HPSE2: variants seen among roughly 807,000 people sequenced by gnomAD.
HPSE2 encodes the protein inactive heparanase-2.
A neutral mutation model predicts 60.5 loss-of-function variants in HPSE2; 38 were observed. The observed-to-expected ratio is 0.63, with a 90% CI of 0.48 to 0.82. The LOEUF is 0.82. Among genes scored for constraint, HPSE2 ranks in the 40% least tolerant of loss-of-function variants. The pLI, the probability that HPSE2 is intolerant of heterozygous loss-of-function variation, is 0.00. For missense variants in HPSE2, 713 were observed against 740.4 expected, an observed-to-expected ratio of 0.96 and a Z score of 0.43; for synonymous variants, 295 against 293.2, an observed-to-expected ratio of 1.01 and a Z score of -0.06.
At chr10:98,779,239 G>A (rs961749552) in intron 3 of HPSE2, among the ~76,000 whole-genome samples, 4 of 151,982 alleles carry the variant, frequency 2.6e-5, no homozygotes, top group African/African-American at 9.7e-5. Flanking sequence ...TAAAGCTCTG[G>A]GGAAGACTAG....
At chr10:99,151,917 T>G (rs1487727353) in intron 2 of HPSE2, among the ~76,000 whole-genome samples, 1 of 151,700 alleles carries the variant, frequency 6.6e-6, no homozygotes, top group Non-Finnish European at 1.5e-5. Flanking sequence ...CCCTATCTCA[T>G]AAATAAATAG....
intron 9 of HPSE2, among the ~76,000 whole-genome samples, chr10:98,589,983 TTATGCTG>T (rs1166959575): frequency 6.6e-6 from 1 of 152,212 alleles, no homozygotes; most frequent in African/African-American, 2.4e-5. Flanking sequence ...CTTATCTCCC[TTATGCTG>T]ATAGGTTTAA....
At chr10:99,067,108 C>A (rs541269419) in intron 3 of HPSE2, among the ~76,000 whole-genome samples, 1 of 152,324 alleles carries the variant, frequency 6.6e-6, no homozygotes, top group South Asian at 2.1e-4. Context: ...TCCTTTGACT[C>A]CATGTCTCAC....
At chr10:98,980,718 G>A (rs10883237) in intron 3 of HPSE2, among the ~76,000 whole-genome samples, 115,689 of 152,016 alleles carry the variant, frequency 0.76, 44,361 homozygotes, top group East Asian at 0.86. Context: ...GTTTGTCCAC[G>A]AAGACTCAAA....
chr10:99,285,653 G>A, the HPSE2 span, among the ~76,000 whole-genome samples: 8 of 152,196 alleles, frequency 5.3e-5, no homozygotes, highest in African/African-American at 1.9e-4. Context: ...GAGGCTGGGT[G>A]TGCAGTGGCT....
intron 3 of HPSE2, among the ~76,000 whole-genome samples, chr10:98,861,082 A>T (rs1261782146): frequency 6.6e-6 from 1 of 152,230 alleles, no homozygotes; most frequent in Admixed American, 6.5e-5. Context: ...TCTAATGGAG[A>T]TAATTCCTCA....
intron 3 of HPSE2, among the ~76,000 whole-genome samples, chr10:98,812,151 A>G (rs1418088477): frequency 1.3e-5 from 2 of 152,274 alleles, no homozygotes; most frequent in East Asian, 3.9e-4. Flanking sequence ...GGAAAATGCT[A>G]TATTAATGTC....
chr10:99,094,984 T>C (rs1458468603), intron 3 of HPSE2, among the ~76,000 whole-genome samples: 1 of 151,992 alleles, frequency 6.6e-6, no homozygotes, highest in Non-Finnish European at 1.5e-5. Context: ...GGTCAGGAGT[T>C]CCAAACCAGC....
intron 11 of HPSE2, among the ~76,000 whole-genome samples, chr10:98,475,243 G>T (rs969615150): frequency 6.6e-6 from 1 of 150,892 alleles, no homozygotes; most frequent in Non-Finnish European, 1.5e-5. Context: ...TCATCCTCCC[G>T]AGTAGCTGGA....
At chr10:99,072,680 C>T (rs1024982261) in intron 3 of HPSE2, among the ~76,000 whole-genome samples, 4 of 152,052 alleles carry the variant, frequency 2.6e-5, no homozygotes, top group African/African-American at 4.8e-5. Context: ...AATCCCAGCA[C>T]TTTGGGAGGC....
chr10:99,068,986 A>G (rs1037147696), intron 3 of HPSE2, among the ~76,000 whole-genome samples: 1 of 152,230 alleles, frequency 6.6e-6, no homozygotes, highest in Admixed American at 6.5e-5. Context: ...TCTTCACTCA[A>G]AGAAAAGCCA....
intron 4 of HPSE2, among the ~76,000 whole-genome samples, chr10:98,742,974 C>CTTTTTTTTTTTTTTTTTTTTT (rs35772316): frequency 5.0e-5 from 5 of 99,782 alleles, no homozygotes; most frequent in Admixed American, 1.1e-4. Flanking sequence ...CTTTTCTTTT[C>CTTTTTTTTTTTTTTTTTTTTT]TTTTTTTTTT....
At chr10:98,989,503 G>T (rs1956468261) in intron 3 of HPSE2, among the ~76,000 whole-genome samples, 1 of 146,452 alleles carries the variant, frequency 6.8e-6, no homozygotes, top group South Asian at 2.3e-4. Flanking sequence ...TTGTGGGGTG[G>T]GGGGAGGGGG....
chr10:98,797,008 C>G (rs903315040), intron 3 of HPSE2, among the ~76,000 whole-genome samples: 3 of 152,184 alleles, frequency 2.0e-5, no homozygotes, highest in African/African-American at 7.2e-5. Flanking sequence ...AAAGCATTCT[C>G]AAGAAGGACA....
At chr10:99,061,550 C>T (rs1564774814) in intron 3 of HPSE2, among the ~76,000 whole-genome samples, 1 of 152,110 alleles carries the variant, frequency 6.6e-6, no homozygotes, top group African/African-American at 2.4e-5. Flanking sequence ...CTTTAAGTAA[C>T]ATTTTACCTG....
At chr10:98,531,807 T>C (rs1943139521) in intron 9 of HPSE2, among the ~76,000 whole-genome samples, 1 of 152,144 alleles carries the variant, frequency 6.6e-6, no homozygotes, top group Non-Finnish European at 1.5e-5. Flanking sequence ...ATTTCCCCTC[T>C]ACTGTTTGCT....
intron 3 of HPSE2, among the ~76,000 whole-genome samples, chr10:98,990,150 A>C (rs1294989226): frequency 6.6e-6 from 1 of 152,238 alleles, no homozygotes; most frequent in African/African-American, 2.4e-5. Context: ...CTCACCTGCC[A>C]ACAGATGCAG....
chr10:98,983,409 G>A (rs922514641), intron 3 of HPSE2, among the ~76,000 whole-genome samples: 5 of 152,124 alleles, frequency 3.3e-5, no homozygotes, highest in East Asian at 1.9e-4. Context: ...ACAAAGATAC[G>A]ATGTTGGAAA....
At position 99,036,994 on chromosome 10, in the gene HPSE2, A is replaced by G. The variant is rs913997424; in HGVS notation, c.610+107244T>C. Among the ~76,000 whole-genome samples the G allele has an allele frequency of 8.5e-5, 13 of 152,192 alleles. 1 individual carries two copies. The highest frequency in any genetic ancestry group is 2.1e-4 in the South Asian group (1 of 4,832). On this transcript the variant is annotated intron_variant, in intron 3 of 11. Coordinates refer to ENST00000370552, the MANE Select transcript of HPSE2 (RefSeq NM_021828.5). ...CTAAAAGAGCAAGATTAGTATCACT[A>G]AGAAGAAGAAATACTGGTATTATGT... is the stretch of plus-strand genomic sequence containing the variant.
Sources: gnomAD v4.1 joint callset for allele counts (sites outside exome capture counted in the v4.1 genomes callset) on GRCh38, gnomAD v4.1.1 for gene constraint, MANE v1.5 for transcripts, NCBI Gene and HGNC (gene_info 2026-07-23, HGNC 2026-07-21) for gene names.